SH3PXD2A: variants seen among roughly 807,000 people sequenced by gnomAD.
SH3PXD2A encodes the protein SH3 and PX domain-containing protein 2A.
SH3PXD2A carries 32 observed loss-of-function variants against 115.2 expected under a neutral mutation model. The ratio of observed to expected loss-of-function variants is 0.28; its 90% CI spans 0.21 to 0.37. SH3PXD2A has a LOEUF of 0.37. Ranked by LOEUF, SH3PXD2A falls within the 10% of genes least tolerant of loss-of-function variation. SH3PXD2A has a pLI of 1.00. For missense variants in SH3PXD2A, 1,328 were observed against 1,498.7 expected, an observed-to-expected ratio of 0.89 and a Z score of 1.88; for synonymous variants, 610 against 629.1, an observed-to-expected ratio of 0.97 and a Z score of 0.45.
chr10:103,813,317 T>G (rs1223781138), intron 1 of SH3PXD2A, among the ~76,000 whole-genome samples: 1 of 152,014 alleles, frequency 6.6e-6, no homozygotes, highest in African/African-American at 2.4e-5. Context: ...TAGATTTCTT[T>G]TTTTCTTTTT....
chr10:103,746,588 C>T lies in SH3PXD2A; in HGVS notation c.230-10780G>A, dbSNP rs191147170. On this transcript the variant is annotated intron_variant, in intron 3 of 14. Coordinates refer to ENST00000369774, the MANE Select transcript of SH3PXD2A (RefSeq NM_001394015.1). This position sits in a 1 kb window ranked among gnomAD's most constrained non-coding sequence, Gnocchi z 4.4. ...CCTCCCAGAGTACTGGGATTACAGACGTGAGCCACTGCGCCTGGCCTCAGA... is the reference window on the plus strand; with the variant it reads ...CCTCCCAGAGTACTGGGATTACAGATGTGAGCCACTGCGCCTGGCCTCAGA... 2.0e-5 allele frequency among the ~76,000 whole-genome samples: 3 copies of T among 152,296 alleles called. No homozygotes were observed. Among genetic ancestry groups the T allele is most frequent in the East Asian group, 1.9e-4 (1 of 5,184 alleles).
At chr10:103,661,393 C>T (rs1315095932) in intron 7 of SH3PXD2A, among the ~76,000 whole-genome samples, 3 of 152,206 alleles carry the variant, frequency 2.0e-5, no homozygotes, top group Non-Finnish European at 2.9e-5. Context: ...AGAGGCAGAG[C>T]GGAGGCGGAG....
At chr10:103,778,926 A>G (rs1171000339) in intron 2 of SH3PXD2A, among the ~76,000 whole-genome samples, 1 of 152,226 alleles carries the variant, frequency 6.6e-6, no homozygotes, top group African/African-American at 2.4e-5. Flanking sequence ...GCATGAGGCC[A>G]GGGCAGCAGA....
intron 8 of SH3PXD2A, among the ~76,000 whole-genome samples, chr10:103,636,439 G>A (rs1487394601): frequency 6.6e-6 from 1 of 151,454 alleles, no homozygotes; most frequent in Non-Finnish European, 1.5e-5. Context: ...AGTAGAGATG[G>A]AAACTGAGGC....
At chr10:103,785,798 C>T (rs1255172651) in intron 2 of SH3PXD2A, among the ~76,000 whole-genome samples, 1 of 151,880 alleles carries the variant, frequency 6.6e-6, no homozygotes, top group African/African-American at 2.4e-5. Flanking sequence ...AGGCTTCCAC[C>T]TGCCCTTCTC....
At chr10:103,836,682 T>TGCACACAC (rs113357317) in intron 1 of SH3PXD2A, among the ~76,000 whole-genome samples, 1 of 148,782 alleles carries the variant, frequency 6.7e-6, no homozygotes. Context: ...CACAGACATG[T>TGCACACAC]ACACACACAC....
intron 6 of SH3PXD2A, 36 bp downstream of exon 6, chr10:103,692,992 G>A: frequency 6.3e-7 from 1 of 1,595,838 alleles, no homozygotes; most frequent in Non-Finnish European, 8.6e-7. Context: ...AAGCGGGAAG[G>A]AAGGCTGAAG....
At chr10:103,701,697 GCCAT>G (rs149215598) in intron 5 of SH3PXD2A, among the ~76,000 whole-genome samples, 36,495 of 123,572 alleles carry the variant, frequency 0.3, 4,886 homozygotes, top group Middle Eastern at 0.36. Context: ...CATTCATCCA[GCCAT>G]CCATCCATCC....
chr10:103,608,152 A>AAAAAAAAAAAAAAAGTTTAC (rs1564842920), intron 13 of SH3PXD2A, among the ~76,000 whole-genome samples: 11 of 138,762 alleles, frequency 7.9e-5, no homozygotes, highest in Non-Finnish European at 9.4e-5. Context: ...GATCAATTTA[A>AAAAAAAAAAAAAAAGTTTAC]AAAAAAAAAA....
chr10:103,712,095 G>C (rs1375666645), intron 5 of SH3PXD2A, among the ~76,000 whole-genome samples: 1 of 151,886 alleles, frequency 6.6e-6, no homozygotes, highest in East Asian at 1.9e-4. Flanking sequence ...ACCTCCCTCT[G>C]GGATCTTTTA....
At position 103,602,879 on chromosome 10, in the gene SH3PXD2A, C is replaced by A. The variant is rs746331786; in HGVS notation, c.2339G>T (p.Arg780Leu). The A allele has an allele frequency of 6.2e-7, 1 of 1,613,950 alleles. No homozygotes were observed. The change falls in exon 15 of 15, where the codon CGC becomes CTC. Residue 780 changes from arginine (R) to leucine (L), a missense_variant. This residue lies in a region of SH3PXD2A where 574 missense variants were observed against 565.7 expected (regional missense o/e 1.01). Transcript: ENST00000369774. ...QEKMDISTLRRQLRPTGQLRG... is the reference protein window; with the variant it reads ...QEKMDISTLRLQLRPTGQLRG... Reference sequence around the variant, plus strand: ...GAGCTGGCCTGTGGGTCTCAGCTGGCGCCGTAAAGTGCTGATGTCCATCTT... The same window carrying A: ...GAGCTGGCCTGTGGGTCTCAGCTGGAGCCGTAAAGTGCTGATGTCCATCTT...
intron 4 of SH3PXD2A, among the ~76,000 whole-genome samples, chr10:103,726,219 A>G (rs1156890937): frequency 6.6e-6 from 1 of 152,138 alleles, no homozygotes; most frequent in Non-Finnish European, 1.5e-5. Flanking sequence ...GGTCTATAAG[A>G]CAGGACCCTG....
chr10:103,605,323 T>C (rs1022656584), intron 14 of SH3PXD2A, among the ~76,000 whole-genome samples: 1 of 152,166 alleles, frequency 6.6e-6, no homozygotes, highest in East Asian at 1.9e-4. Flanking sequence ...TTCTGCAGGA[T>C]CCTGGCCCTG....
chr10:103,702,590 TGTGTGC>T (rs1299209808), intron 5 of SH3PXD2A, among the ~76,000 whole-genome samples: 2 of 135,636 alleles, frequency 1.5e-5, no homozygotes, highest in Non-Finnish European at 3.1e-5. Context: ...TAAGCCTGTG[TGTGTGC>T]GTGTGTGTGT....
intron 1 of SH3PXD2A, among the ~76,000 whole-genome samples, chr10:103,846,500 G>A (rs1310140490): frequency 6.6e-6 from 1 of 152,068 alleles, no homozygotes; most frequent in Non-Finnish European, 1.5e-5. Flanking sequence ...AATTCCCTGG[G>A]GTCAGGAACA....
chr10:103,789,682 A>G (rs7907629), intron 2 of SH3PXD2A, among the ~76,000 whole-genome samples: 8,301 of 152,280 alleles, frequency 0.055, 280 homozygotes, highest in South Asian at 0.097. Flanking sequence ...GGTAAGATGA[A>G]GGCCCAGTAG....
intron 3 of SH3PXD2A, among the ~76,000 whole-genome samples, chr10:103,757,851 A>C (rs1402638311): frequency 6.6e-6 from 1 of 152,190 alleles, no homozygotes; most frequent in Admixed American, 6.5e-5. Flanking sequence ...CCGGGAAAGA[A>C]CTGCAGGAAG....
chr10:103,764,506 G>A (rs2038734053), intron 3 of SH3PXD2A, among the ~76,000 whole-genome samples: 1 of 152,172 alleles, frequency 6.6e-6, no homozygotes, highest in African/African-American at 2.4e-5. Flanking sequence ...CACCCGCTAT[G>A]CACAGGTCAC....
intron 8 of SH3PXD2A, 133 bp downstream of exon 8, chr10:103,660,850 G>A (rs2134051678): frequency 5.0e-6 from 5 of 1,009,620 alleles, no homozygotes; most frequent in East Asian, 2.5e-5. Context: ...AACTTCAGCC[G>A]CCTCGGCCCT....
Sources: gnomAD v4.1 joint callset for allele counts (sites outside exome capture counted in the v4.1 genomes callset) on GRCh38, gnomAD v4.1.1 for gene constraint, gnomAD v4.1.1 regional missense constraint, Gnocchi (gnomAD v3.1) non-coding constraint, MANE v1.5 for transcripts, NCBI Gene and HGNC (gene_info 2026-07-23, HGNC 2026-07-21) for gene names.